Variants in NRP2 observed in about 807,000 individuals in gnomAD.
NRP2 encodes neuropilin-2.
A neutral mutation model predicts 110.4 loss-of-function variants in NRP2; 52 were observed. The observed-to-expected ratio is 0.47, with a 90% confidence interval of 0.38 to 0.59. The LOEUF is 0.59. Among genes scored for constraint, NRP2 ranks in the 20% least tolerant of loss-of-function variants. The probability of loss-of-function intolerance (pLI) is 0.00; values close to 1 mark genes in which losing one functional copy is unlikely to be tolerated. For synonymous variants in NRP2, 508 were observed against 468.9 expected (o/e 1.08, Z -1.08); for missense variants, 1,049 against 1,203.0 (o/e 0.87, Z 1.89).
chr2:205,719,226 A>G (rs13034347), intron 3 of NRP2, among the ~76,000 whole-genome samples: 55,295 of 152,020 alleles, frequency 0.36, 10,897 homozygotes, highest in Middle Eastern at 0.46. Context: ...CAGATACGCA[A>G]ATAGCCATAC....
chr2:205,781,453 C>T (rs1234107087), intron 15 of NRP2, among the ~76,000 whole-genome samples: 1 of 152,248 alleles, frequency 6.6e-6, no homozygotes, highest in African/African-American at 2.4e-5. Flanking sequence ...CACTGCCCCC[C>T]TAGCTCAGAT....
chr2:205,743,454 G>A lies in NRP2; in HGVS notation c.1543G>A (p.Val515Met). ...CCGCGGAGGAGACAGTATCACTGCT[G>A]TGGAAGCCAGAGCATTTGTGCGCAA... is the stretch of plus-strand genomic sequence containing the variant. The part of the protein sequence containing the change: ...GARGGDSITA[V>M]EARAFVRKFK... Residue 515 changes from valine to methionine, a missense_variant, in exon 9 of 17, where the codon GTG becomes ATG. Val to Met is a conservative substitution (Grantham distance 21). Transcript: ENST00000357785. The A allele has an allele frequency of 3.1e-6, 5 of 1,614,206 alleles. No individual in the cohort carries two copies. The highest frequency in any genetic ancestry group is 1.3e-5 in the African/African-American group (1 of 75,060).
intron 16 of NRP2, among the ~76,000 whole-genome samples, chr2:205,792,832 T>C (rs1028342817): frequency 7.2e-5 from 11 of 152,190 alleles, no homozygotes; most frequent in African/African-American, 2.7e-4. Flanking sequence ...CAAACACATA[T>C]ACTTCAAGAG....
chr2:205,767,452 C>A lies in NRP2; in HGVS notation c.2425+649C>A, dbSNP rs75474066. 5.8e-6 allele frequency: 3 copies of A among 517,160 alleles called. No homozygotes were observed. In the East Asian group the frequency reaches 1.6e-4, roughly 28 times the overall value. 32.0% of individuals were successfully genotyped at this position (517,160 alleles called of 1,614,324 possible). The stretch of plus-strand genomic sequence containing the variant: ...AGTCAAGGGAATAAGGAGGTGCATT[C>A]GATGACTGGAGCTAGAGCACTTTAA... On this transcript the variant is annotated intron_variant, in intron 15 of 16. Transcript: ENST00000357785.
Position 205,686,923 on chromosome 2 carries a change from T to C in NRP2, c.73+3560T>C, listed in dbSNP as rs1302789578. On this transcript the variant is annotated intron_variant, in intron 1 of 16. Coordinates refer to ENST00000357785, the MANE Select transcript of NRP2 (RefSeq NM_003872.3). The surrounding 1 kb of genome is among the most constrained non-coding windows in gnomAD (Gnocchi z 4.7). ...ACGTCCCCTTTGCTAGAGTTAATCA[T>C]GATCTGCGGGGGGACTGGGTTTTGC... Among the ~76,000 whole-genome samples, 1 of 152,194 alleles carries C rather than the reference T, an allele frequency of 6.6e-6. No individual in the cohort carries two copies. Among genetic ancestry groups the C allele is most frequent in the Non-Finnish European group, 1.5e-5 (1 of 68,038 alleles).
chr2:205,743,133 C>G, intron 8 of NRP2, 70 bp from the exon 9 acceptor site: 1 of 1,600,042 alleles, frequency 6.2e-7, no homozygotes, highest in Admixed American at 1.7e-5. Flanking sequence ...CAGCTCCCTT[C>G]TTATAGCGGG....
In NRP2 at chr2:205,743,518, A is replaced by G. The variant is rs745557043; in HGVS notation, c.1607A>G (p.Glu536Gly). The G allele has an allele frequency of 5.0e-6, 8 of 1,614,076 alleles. No individual in the cohort carries two copies. In the East Asian group the frequency reaches 1.8e-4, roughly 36 times the overall value. The part of the protein sequence containing the change: ...VSYSLNGKDW[E>G]YIQDPRTQQP... ...TACAGCCTAAACGGCAAGGACTGGG[A>G]ATACATTCAGGACCCCAGGACCCAG... The change falls in exon 9 of 17, where the codon GAA becomes GGA. Residue 536 changes from glutamate (E) to glycine (G), a missense_variant. Transcript: ENST00000357785.
At chr2:205,687,543 C>T (rs1248246401) in intron 1 of NRP2, among the ~76,000 whole-genome samples, 1 of 152,200 alleles carries the variant, frequency 6.6e-6, no homozygotes, top group Non-Finnish European at 1.5e-5. Flanking sequence ...CAAAGGGCCC[C>T]GGGCAGGCCC....
chr2:205,740,389 C>A, intron 7 of NRP2, 130 bp from the exon 8 acceptor site: 1 of 901,630 alleles, frequency 1.1e-6, no homozygotes, highest in Non-Finnish European at 1.8e-6. Flanking sequence ...AAACAACATA[C>A]CCACTGATTA....
chr2:205,694,186 G>A (rs1258671482), intron 1 of NRP2, among the ~76,000 whole-genome samples: 2 of 152,076 alleles, frequency 1.3e-5, no homozygotes, highest in East Asian at 3.9e-4. Context: ...TACTTAAGAA[G>A]GAGAAAAAGA....
intron 1 of NRP2, among the ~76,000 whole-genome samples, chr2:205,689,432 A>G (rs2056255938): frequency 6.6e-6 from 1 of 152,206 alleles, no homozygotes; most frequent in Admixed American, 6.5e-5. Flanking sequence ...GCCCATTCTG[A>G]AGTCACTGAA....
At chr2:205,702,654 A>T (rs1185735294) in intron 2 of NRP2, among the ~76,000 whole-genome samples, 1 of 152,224 alleles carries the variant, frequency 6.6e-6, no homozygotes, top group Non-Finnish European at 1.5e-5. Flanking sequence ...TTAGAAAGGT[A>T]GCAGTTTCCC....
chr2:205,764,039 G>A, intron 13 of NRP2, 103 bp downstream of exon 13: 4 of 1,441,948 alleles, frequency 2.8e-6, no homozygotes, highest in Non-Finnish European at 3.8e-6. Context: ...TGTTTTCATT[G>A]TGTTTCTCAC....
At chr2:205,794,724 G>T (rs376023817) in intron 16 of NRP2, 30 bp from the exon 17 acceptor site, 1 of 1,612,424 alleles carries the variant, frequency 6.2e-7, no homozygotes, top group South Asian at 1.1e-5. Flanking sequence ...GGCAGTGCCT[G>T]CAATCTCTCA....
In NRP2 at chr2:205,766,800, G is replaced by A; in HGVS notation, c.2422G>A (p.Ala808Thr). 6.2e-7 allele frequency: 1 copy of A among 1,612,342 alleles called. No homozygotes were observed. The highest frequency in any genetic ancestry group is 8.5e-7 in the Non-Finnish European group (1 of 1,179,792). The stretch of plus-strand genomic sequence containing the variant: ...TTTTTCAGAACCCATCTCGGCTTTT[G>A]CAGGTGAGAATTTTAAAGGTAAAAA... ...ENCMEPISAF[A>T]VDIPEIHERE... Residue 808 changes from alanine (A) to threonine (T), a missense_variant, in exon 15 of 17, where the codon GCA (alanine) becomes ACA (threonine). Ala to Thr is a moderately conservative substitution (Grantham distance 58, BLOSUM62 0). Transcript: ENST00000357785.
chr2:205,745,860 C>T lies in NRP2; in HGVS notation c.1756C>T (p.Arg586Trp), dbSNP rs775527944. ...ERWSPAGIGMRLEVLGCDWTD... is the reference protein window; with the variant it reads ...ERWSPAGIGMWLEVLGCDWTD... ...GTGGTCGCCGGCGGGGATTGGGATG[C>T]GGCTGGAGGTGCTGGGCTGTGACTG... The change falls in exon 10 of 17, where the codon CGG becomes TGG. Residue 586 changes from arginine (R) to tryptophan (W), a missense_variant. Physicochemically the swap from Arg to Trp is moderately radical, Grantham distance 101. Coordinates refer to ENST00000357785, the MANE Select transcript of NRP2 (RefSeq NM_003872.3). The T allele has an allele frequency of 7.4e-6, 12 of 1,614,026 alleles. No individual in the cohort carries two copies. Among genetic ancestry groups the T allele is most frequent in the South Asian group, 2.2e-5 (2 of 91,088 alleles).
intron 10 of NRP2, among the ~76,000 whole-genome samples, chr2:205,748,894 G>GT (rs1237051965): frequency 6.6e-6 from 1 of 152,218 alleles, no homozygotes; most frequent in African/African-American, 2.4e-5. Flanking sequence ...AAATGAATAG[G>GT]TGAATGAATC....
chr2:205,768,778 G>C (rs73983260), intron 15 of NRP2, among the ~76,000 whole-genome samples: 3,075 of 152,292 alleles, frequency 0.02, 114 homozygotes, highest in African/African-American at 0.071. Context: ...TTAGGCCATG[G>C]CTTTCGTCCT....
chr2:205,752,604 C>A, intron 11 of NRP2: 1 of 547,414 alleles, frequency 1.8e-6, no homozygotes, highest in South Asian at 2.0e-5. Flanking sequence ...TTCATAATTG[C>A]TTACTATGGG....
Sources: allele counts gnomAD v4.1 joint callset (sites outside exome capture counted in the v4.1 genomes callset), GRCh38; gene constraint gnomAD v4.1.1; non-coding constraint Gnocchi (gnomAD v3.1); transcripts MANE v1.5; gene names NCBI Gene and HGNC (gene_info 2026-07-23, HGNC 2026-07-21).